Variants in KANK4 observed in about 807,000 individuals in gnomAD.
KANK4 encodes KN motif and ankyrin repeat domain-containing protein 4.
KANK4 carries 50 observed loss-of-function variants against 80.8 expected under a neutral mutation model. The ratio of observed to expected loss-of-function variants is 0.62; its 90% confidence interval spans 0.49 to 0.78. The LOEUF (loss-of-function observed/expected upper bound fraction) is 0.78. KANK4 is among the 30% of genes least tolerant of loss of function. The probability of loss-of-function intolerance (pLI) is 0.00; values close to 1 mark genes in which losing one functional copy is unlikely to be tolerated. For missense variants in KANK4, 1,196 were observed against 1,240.1 expected (o/e 0.96, Z 0.53); for synonymous variants, 465 against 506.9 (o/e 0.92, Z 1.11).
At chr1:62,268,816 G>A (rs749375126) in intron 4 of KANK4, among the ~76,000 whole-genome samples, 6 of 152,196 alleles carry the variant, frequency 3.9e-5, no homozygotes, top group African/African-American at 9.7e-5. Flanking sequence ...TGGCTGATGC[G>A]TTCGGTGATC....
At chr1:62,257,496 T>C (rs1410991908) in intron 7 of KANK4, among the ~76,000 whole-genome samples, 1 of 152,226 alleles carries the variant, frequency 6.6e-6, no homozygotes, top group African/African-American at 2.4e-5. Context: ...ATCCTCTGAC[T>C]CAATAAGCCC....
Position 62,273,369 on chromosome 1 carries a change from C to G in KANK4, c.1735G>C (p.Glu579Gln). ...ELLQEQWNCL[E>Q]HGYPELASAI... ...CTGGCCAGCTCCGGGTACCCATGCT[C>G]CAGGCAGTTCCACTGCTCCTGCAGG... is the stretch of plus-strand genomic sequence containing the variant. The change falls in exon 3 of 10, where the codon GAG becomes CAG. Residue 579 changes from glutamate to glutamine, a missense_variant. Physicochemically the swap from Glu to Gln is conservative, Grantham distance 29 (BLOSUM62 2). This residue lies in a region of KANK4 where 1,154 missense variants were observed against 1,179.6 expected (regional missense o/e 0.98). Transcript: ENST00000371153. 6.2e-7 allele frequency: 1 copy of G among 1,607,474 alleles called. No individual in the cohort carries two copies. The highest frequency in any genetic ancestry group is 1.3e-5 in the African/African-American group (1 of 74,906).
intron 4 of KANK4, among the ~76,000 whole-genome samples, chr1:62,269,576 T>A (rs1390955473): frequency 6.6e-6 from 1 of 152,196 alleles, no homozygotes; most frequent in Non-Finnish European, 1.5e-5. Flanking sequence ...ACAGTGCTCA[T>A]CTTGGAACTG....
rs1238227974 is a variant in KANK4 at position 62,319,380 on chromosome 1, T to C, written c.-345A>G. On this transcript the variant is annotated 5_prime_UTR_variant, in exon 1 of 10. Coordinates refer to ENST00000371153, the MANE Select transcript of KANK4 (RefSeq NM_181712.5). ...CTGGCCAGGCGCCGCCAGCCGCGGC[T>C]TCGCCCCGCGTCGCCAGCTGCCAAC... 2 of 151,772 alleles carry C rather than the reference T, an allele frequency of 1.3e-5. No individual in the cohort carries two copies. Among genetic ancestry groups the C allele is most frequent in the African/African-American group, 4.8e-5 (2 of 41,334 alleles). The allele number at this position is 151,772 out of a possible 1,614,324, so 9.4% of individuals were successfully genotyped here.
intron 7 of KANK4, among the ~76,000 whole-genome samples, chr1:62,261,409 T>G (rs953881835): frequency 2.0e-5 from 3 of 151,790 alleles, no homozygotes; most frequent in Admixed American, 1.3e-4. Flanking sequence ...ATCCACCCGC[T>G]TCGGCCTCCC....
chr1:62,275,066 C>T lies in KANK4; in HGVS notation c.38G>A (p.Gly13Glu). 1 of 1,609,676 alleles carries T rather than the reference C, an allele frequency of 6.2e-7. No individual in the cohort carries two copies. The highest frequency in any genetic ancestry group is 1.1e-5 in the South Asian group (1 of 90,246). Residue 13 changes from glycine to glutamate, a missense_variant, in exon 3 of 10, where the codon GGG becomes GAG. By Grantham distance (98) the Gly-to-Glu change is moderately conservative. Around this residue, in one of 3 missense-constraint regions of KANK4, gnomAD observed 36 missense variants for 34.0 expected, o/e 1.06. Coordinates refer to ENST00000371153, the MANE Select transcript of KANK4 (RefSeq NM_181712.5). Reference sequence around the variant, plus strand: ...CTTCGGAGGGTCTTTCTCTTCATCCCCCTGAGAGGACTGGTCTTTGGCTGG... The same window carrying T: ...CTTCGGAGGGTCTTTCTCTTCATCCTCCTGAGAGGACTGGTCTTTGGCTGG... Reference protein sequence around the residue: ...KTDAKDQSSQGDEEKDPPKSH... With the variant: ...KTDAKDQSSQEDEEKDPPKSH...
chr1:62,263,142 T>G lies in KANK4; in HGVS notation c.2489A>C (p.Tyr830Ser), dbSNP rs762839730. ...GGAGAAGTTGGAGTGGGACACGCTGTAGTGAAGGGCCGTGTTCCCGTTGTG... is the reference window on the plus strand; with the variant it reads ...GGAGAAGTTGGAGTGGGACACGCTGGAGTGAAGGGCCGTGTTCCCGTTGTG... ...ADHNGNTALH[Y>S]SVSHSNFSIV... is the part of the protein sequence containing the mutation. The change falls in exon 7 of 10, where the codon TAC becomes TCC. Residue 830 changes from tyrosine (Y) to serine (S), a missense_variant. This residue lies in a region of KANK4 where 1,154 missense variants were observed against 1,179.6 expected (regional missense o/e 0.98). Transcript: ENST00000371153. The G allele has an allele frequency of 2.5e-5, 41 of 1,613,722 alleles. No homozygotes were observed. Among genetic ancestry groups the G allele is most frequent in the Non-Finnish European group, 3.4e-5 (40 of 1,179,898 alleles).
chr1:62,312,980 C>T (rs989526298), intron 1 of KANK4, among the ~76,000 whole-genome samples: 8 of 152,184 alleles, frequency 5.3e-5, no homozygotes, highest in African/African-American at 1.9e-4. Flanking sequence ...TGGTTCCCCC[C>T]CAAACCCCTG....
chr1:62,262,999 C>T (rs1018333105), intron 7 of KANK4, 93 bp downstream of exon 7: 3 of 895,076 alleles, frequency 3.4e-6, no homozygotes, highest in Admixed American at 2.1e-5. Flanking sequence ...CCACTTGTAC[C>T]TTTAAAGCTA....
At chr1:62,256,562 T>C (rs982340736) in intron 7 of KANK4, among the ~76,000 whole-genome samples, 2 of 152,058 alleles carry the variant, frequency 1.3e-5, no homozygotes, top group African/African-American at 4.8e-5. Flanking sequence ...TTTGTAGTTT[T>C]AGCAGAGATG....
chr1:62,268,417 C>T lies in KANK4; in HGVS notation c.2101G>A (p.Gly701Ser), dbSNP rs17123306. The change falls in exon 5 of 10, where the codon GGC becomes AGC. Residue 701 changes from glycine (G) to serine (S), a missense_variant. Transcript: ENST00000371153. The stretch of plus-strand genomic sequence containing the variant: ...TCTTTGACATGCTTGTGATCTGGGC[C>T]GTCACACTTCTTCTCTGCCTCGCTG... Reference protein sequence around the residue: ...SDSEAEKKCDGPDHKHVKDAH... With the variant: ...SDSEAEKKCDSPDHKHVKDAH... 0.055 allele frequency: 88,025 copies of T among 1,613,758 alleles called. 4,160 individuals are homozygous for T. Among genetic ancestry groups the T allele is most frequent in the African/African-American group, 0.2 (14,726 of 74,962 alleles).
intron 8 of KANK4, among the ~76,000 whole-genome samples, chr1:62,251,653 A>T (rs1671620869): frequency 6.6e-6 from 1 of 152,092 alleles, no homozygotes; most frequent in Admixed American, 6.6e-5. Flanking sequence ...CTGTCTTAAG[A>T]TCCTTTTTGG....
At chr1:62,287,585 C>T (rs1672597557) in intron 1 of KANK4, among the ~76,000 whole-genome samples, 1 of 152,166 alleles carries the variant, frequency 6.6e-6, no homozygotes, top group African/African-American at 2.4e-5. Flanking sequence ...CTTGAAGCAG[C>T]CAGACCAGGG....
chr1:62,246,370 G>A (rs1001723498), intron 9 of KANK4, among the ~76,000 whole-genome samples: 10 of 152,158 alleles, frequency 6.6e-5, no homozygotes, highest in Non-Finnish European at 1.2e-4. Context: ...AGATGACTCT[G>A]TAAGGTTGAT....
chr1:62,310,564 G>A (rs1345289046), intron 1 of KANK4, among the ~76,000 whole-genome samples: 1 of 152,204 alleles, frequency 6.6e-6, no homozygotes, highest in African/African-American at 2.4e-5. Flanking sequence ...CTACTGAGAA[G>A]GCCTCCATGA....
chr1:62,318,112 A>C (rs540230902), intron 1 of KANK4, among the ~76,000 whole-genome samples: 1 of 152,174 alleles, frequency 6.6e-6, no homozygotes, highest in Admixed American at 6.5e-5. Context: ...ATCGTGTTTA[A>C]CTCAAGATGC....
At chr1:62,302,164 A>C (rs1237090138) in intron 1 of KANK4, among the ~76,000 whole-genome samples, 1 of 152,072 alleles carries the variant, frequency 6.6e-6, no homozygotes, top group African/African-American at 2.4e-5. Context: ...AGATGGTTGA[A>C]GCAGCAGATG....
intron 1 of KANK4, among the ~76,000 whole-genome samples, chr1:62,286,694 T>C (rs1672575428): frequency 6.6e-6 from 1 of 152,068 alleles, no homozygotes; most frequent in Non-Finnish European, 1.5e-5. Flanking sequence ...CTCCTTAGAG[T>C]TGAAACCCTT....
rs899021943 is a variant in KANK4 at position 62,236,486 on chromosome 1, A to C, written c.*1791T>G. 1.3e-5 allele frequency among the ~76,000 whole-genome samples: 2 copies of C among 152,146 alleles called. No individual in the cohort carries two copies. The highest frequency in any genetic ancestry group is 2.9e-5 in the Non-Finnish European group (2 of 68,026). ...TTCTCTCCACCTCTGAGTTGCATCAACACATGTCATTGTGTTCTGGGACTC... is the reference window on the plus strand; with the variant it reads ...TTCTCTCCACCTCTGAGTTGCATCACCACATGTCATTGTGTTCTGGGACTC... On this transcript the variant is annotated 3_prime_UTR_variant, in exon 10 of 10. Coordinates refer to ENST00000371153, the MANE Select transcript of KANK4 (RefSeq NM_181712.5).
Sources: allele counts gnomAD v4.1 joint callset (sites outside exome capture counted in the v4.1 genomes callset), GRCh38; gene constraint gnomAD v4.1.1; regional missense constraint gnomAD v4.1.1; transcripts MANE v1.5; gene names NCBI Gene and HGNC (gene_info 2026-07-23, HGNC 2026-07-21).